The following LRP1B variants were observed in gnomAD, a reference collection of about 807,000 sequenced individuals.
LRP1B encodes LDL receptor related protein 1B, also known as low-density lipoprotein receptor-related protein 1B.
In LRP1B, 217 loss-of-function variants were observed where a neutral mutation model predicts 556.6. The observed-to-expected ratio is 0.39, with a 90% CI of 0.35 to 0.44. The LOEUF (loss-of-function observed/expected upper bound fraction) is 0.44, where lower values mean the gene tolerates loss of function less well. Ranked by LOEUF, LRP1B falls within the 20% of genes least tolerant of loss-of-function variation. The pLI is 1.00. For synonymous variants in LRP1B, 2,047 were observed against 1,865.8 expected, an observed-to-expected ratio of 1.10 and a Z score of -2.50; for missense variants, 5,053 against 5,620.8, an observed-to-expected ratio of 0.90 and a Z score of 3.23.
chr2:142,060,174 A>C (rs1022393173), intron 1 of LRP1B, among the ~76,000 whole-genome samples: 8 of 152,066 alleles, frequency 5.3e-5, no homozygotes, highest in Non-Finnish European at 1.2e-4. Flanking sequence ...GGAAAGGAGA[A>C]ATGATGGTTT....
chr2:140,676,094 G>A (rs1685662313), intron 41 of LRP1B, among the ~76,000 whole-genome samples: 1 of 152,086 alleles, frequency 6.6e-6, no homozygotes. Flanking sequence ...GTAAAACTAA[G>A]TACTTATTTT....
At chr2:141,750,605 A>G (rs1245395336) in intron 2 of LRP1B, among the ~76,000 whole-genome samples, 1 of 152,154 alleles carries the variant, frequency 6.6e-6, no homozygotes, top group African/African-American at 2.4e-5. Flanking sequence ...TGCATTCTCA[A>G]AACACCATAA....
chr2:140,985,800 A>G (rs887040794), intron 17 of LRP1B, among the ~76,000 whole-genome samples: 1 of 151,904 alleles, frequency 6.6e-6, no homozygotes, highest in Admixed American at 6.6e-5. Flanking sequence ...AAATAATATC[A>G]TTAACATCAG....
chr2:141,296,447 A>C (rs1194847375), intron 3 of LRP1B, among the ~76,000 whole-genome samples: 1 of 152,244 alleles, frequency 6.6e-6, no homozygotes, highest in African/African-American at 2.4e-5. Context: ...GGTACTAAAT[A>C]GGCAGTCTAA....
In LRP1B at chr2:140,823,667, T is replaced by C. The variant is rs1276492009; in HGVS notation, c.5210-9861A>G. Among the ~76,000 whole-genome samples the C allele has an allele frequency of 2.0e-5, 3 of 151,988 alleles. No homozygotes were observed. The East Asian group carries it at 5.8e-4, about 29-fold the overall frequency. On this transcript the variant is annotated intron_variant, in intron 31 of 90. Coordinates refer to ENST00000389484, the MANE Select transcript of LRP1B (RefSeq NM_018557.3). ...ATATCCTATGTCAAGTGTTTCCTTA[T>C]GAAACAACTTTGATTCTATATTAAA...
chr2:141,711,275 C>G (rs544685763), intron 2 of LRP1B, among the ~76,000 whole-genome samples: 148 of 152,300 alleles, frequency 9.7e-4, no homozygotes, highest in African/African-American at 3.5e-3. Context: ...CTCTAGCTAT[C>G]CAACCACATT....
chr2:141,639,363 CATATAT>C lies in LRP1B; in HGVS notation c.206-158836_206-158831del, dbSNP rs775633233. Among the ~76,000 whole-genome samples the C allele has an allele frequency of 4.5e-3, 294 of 65,938 alleles. 4 individuals are homozygous for C. Among genetic ancestry groups the C allele is most frequent in the Middle Eastern group, 0.02 (2 of 100 alleles). 43.3% of individuals were successfully genotyped at this position (65,938 alleles called of 152,430 possible). A position where few individuals can be genotyped will look rare whatever the true frequency, so the allele number is the denominator to read the frequency against. Reference sequence around the variant, plus strand: ...ATATATATATATACACACACACACACATATATATATATACACATATATATATACACA... The same window carrying C: ...ATATATATATATACACACACACACACATATATACACATATATATATACACA... On this transcript the variant is annotated intron_variant, in intron 2 of 90. Transcript: ENST00000389484.
chr2:140,441,814 A>G (rs1441029942), intron 66 of LRP1B, among the ~76,000 whole-genome samples: 1 of 152,230 alleles, frequency 6.6e-6, no homozygotes, highest in Non-Finnish European at 1.5e-5. Context: ...GGCTCAATTA[A>G]TGTTAATAAA....
chr2:141,078,345 G>A (rs1010447488), intron 7 of LRP1B, among the ~76,000 whole-genome samples: 22 of 152,022 alleles, frequency 1.4e-4, no homozygotes, highest in Admixed American at 1.3e-3. Flanking sequence ...TTCTCCCACA[G>A]AATTTCAGTC....
chr2:140,487,772 A>T, intron 57 of LRP1B, 33 bp from the exon 58 acceptor site: 3 of 1,370,932 alleles, frequency 2.2e-6, no homozygotes, highest in Non-Finnish European at 3.0e-6. Context: ...TGTCAATGAT[A>T]GTTCATAGAA....
intron 49 of LRP1B, among the ~76,000 whole-genome samples, chr2:140,519,940 C>T (rs541005652): frequency 6.8e-4 from 104 of 152,128 alleles, no homozygotes; most frequent in Non-Finnish European, 1.1e-3. Context: ...GTTAGAATGG[C>T]GATCATTAAA....
At chr2:142,013,219 G>A (rs1013668979) in intron 1 of LRP1B, among the ~76,000 whole-genome samples, 1 of 152,030 alleles carries the variant, frequency 6.6e-6, no homozygotes, top group Non-Finnish European at 1.5e-5. Flanking sequence ...GATAGGACTG[G>A]AATAAGACTG....
At position 141,296,799 on chromosome 2, in the gene LRP1B, C is replaced by A. The variant is rs1686198373; in HGVS notation, c.344-42158G>T. ...TCGCATGATGCTGAGGTCTGGGATACAAATGTTCCCATTACCCAGGTACTG... is the reference window on the plus strand; with the variant it reads ...TCGCATGATGCTGAGGTCTGGGATAAAAATGTTCCCATTACCCAGGTACTG... On this transcript the variant is annotated intron_variant, in intron 3 of 90. Coordinates refer to ENST00000389484, the MANE Select transcript of LRP1B (RefSeq NM_018557.3). Among the ~76,000 whole-genome samples the A allele has an allele frequency of 2.0e-5, 3 of 152,098 alleles. No individual in the cohort carries two copies. The South Asian group carries it at 6.2e-4, about 31-fold the overall frequency.
chr2:141,936,957 C>T (rs1700652145), intron 1 of LRP1B, among the ~76,000 whole-genome samples: 1 of 150,224 alleles, frequency 6.7e-6, no homozygotes, highest in Admixed American at 6.7e-5. Flanking sequence ...GTCATAACAA[C>T]AGTATGTAAG....
chr2:140,488,778 C>T (rs556612793), intron 57 of LRP1B, among the ~76,000 whole-genome samples: 5 of 151,848 alleles, frequency 3.3e-5, no homozygotes, highest in African/African-American at 4.8e-5. Context: ...CAATATTCAC[C>T]GTAAAGTTGA....
intron 1 of LRP1B, among the ~76,000 whole-genome samples, chr2:141,955,623 C>G (rs1277952502): frequency 6.6e-6 from 1 of 152,082 alleles, no homozygotes; most frequent in Non-Finnish European, 1.5e-5. Flanking sequence ...TGGAAGGCAG[C>G]TTCCCAGAGA....
At chr2:141,348,382 TA>T (rs1224466323) in intron 3 of LRP1B, among the ~76,000 whole-genome samples, 2 of 151,886 alleles carry the variant, frequency 1.3e-5, no homozygotes, top group Non-Finnish European at 2.9e-5. Context: ...AAAATGATGA[TA>T]ACTTCTACTT....
intron 3 of LRP1B, among the ~76,000 whole-genome samples, chr2:141,296,467 T>G (rs1282793782): frequency 6.6e-6 from 1 of 152,190 alleles, no homozygotes; most frequent in African/African-American, 2.4e-5. Flanking sequence ...ACCCAGGATT[T>G]TGCATTCTAA....
intron 45 of LRP1B, among the ~76,000 whole-genome samples, chr2:140,540,001 A>G (rs904715139): frequency 2.4e-4 from 36 of 152,164 alleles, no homozygotes; most frequent in Non-Finnish European, 4.3e-4. Flanking sequence ...TGTATATGGT[A>G]TAAGAATTTT....
Sources: allele counts gnomAD v4.1 joint callset (sites outside exome capture counted in the v4.1 genomes callset), GRCh38; gene constraint gnomAD v4.1.1; transcripts MANE v1.5; gene names NCBI Gene and HGNC (gene_info 2026-07-23, HGNC 2026-07-21).